The following PTPRD variants were observed in gnomAD, a reference collection of about 807,000 sequenced individuals.
PTPRD encodes protein tyrosine phosphatase receptor type D.
A neutral mutation model predicts 214.5 loss-of-function variants in PTPRD; 34 were observed. The observed-to-expected ratio is 0.16, with a 90% CI of 0.12 to 0.21. The LOEUF (loss-of-function observed/expected upper bound fraction) is 0.21, where lower values mean the gene tolerates loss of function less well. PTPRD is among the 10% of genes least tolerant of loss of function. The probability of loss-of-function intolerance (pLI) is 1.00; values close to 1 mark genes in which losing one functional copy is unlikely to be tolerated. For synonymous variants in PTPRD, 1,128 were observed against 845.7 expected, an observed-to-expected ratio of 1.33 and a Z score of -5.79; for missense variants, 2,545 against 2,398.7, an observed-to-expected ratio of 1.06 and a Z score of -1.27.
chr9:10,489,308 A>T (rs1156261633), intron 2 of PTPRD, among the ~76,000 whole-genome samples: 1 of 152,130 alleles, frequency 6.6e-6, no homozygotes, highest in Non-Finnish European at 1.5e-5. Flanking sequence ...ACCTTATCCT[A>T]CTGCGGCTGA....
intron 7 of PTPRD, among the ~76,000 whole-genome samples, chr9:9,658,131 C>T (rs1421222991): frequency 6.6e-6 from 1 of 151,856 alleles, no homozygotes; most frequent in East Asian, 1.9e-4. Flanking sequence ...AGAGTAATGT[C>T]AGCATTATCT....
intron 4 of PTPRD, among the ~76,000 whole-genome samples, chr9:9,991,359 A>C (rs1384472960): frequency 1.4e-5 from 2 of 145,424 alleles, no homozygotes; most frequent in Non-Finnish European, 3.0e-5. Flanking sequence ...ATCAAAATAT[A>C]CTTTTTTTTT....
Position 8,948,437 on chromosome 9 carries a change from T to TTA in PTPRD, c.-104+70258_-104+70259dup, listed in dbSNP as rs1343672112. Among the ~76,000 whole-genome samples, 3 of 20,110 alleles carry TTA rather than the reference T, an allele frequency of 1.5e-4. 1 individual carries two copies. The highest frequency in any genetic ancestry group is 6.0e-3 in the South Asian group (2 of 332). The allele number at this position is 20,110 out of a possible 152,430, so 13.2% of individuals were successfully genotyped here. On this transcript the variant is annotated intron_variant, in intron 11 of 45. Coordinates refer to ENST00000381196, the MANE Select transcript of PTPRD (RefSeq NM_002839.4). ...TATATATATATATTTATATATATAT[T>TTA]TACATATATATATATTTATATATAT...
chr9:9,281,103 T>G (rs925802416), intron 9 of PTPRD, among the ~76,000 whole-genome samples: 14 of 151,286 alleles, frequency 9.3e-5, no homozygotes, highest in African/African-American at 3.4e-4. Flanking sequence ...CTCCCATAAA[T>G]GGACTCAAAA....
intron 36 of PTPRD, 79 bp from the exon 37 acceptor site, chr9:8,389,486 G>A (rs1454631998): frequency 2.7e-5 from 29 of 1,076,020 alleles, no homozygotes; most frequent in Non-Finnish European, 3.9e-5. Flanking sequence ...TAATGGCAGT[G>A]CTATCTTACT....
In PTPRD at chr9:9,109,542, T is replaced by C. The variant is rs190510941; in HGVS notation, c.-143+73762A>G. Among the ~76,000 whole-genome samples, 9 of 152,230 alleles carry C rather than the reference T, an allele frequency of 5.9e-5. No homozygotes were observed. In the East Asian group the frequency reaches 1.2e-3, roughly 20 times the overall value. The stretch of plus-strand genomic sequence containing the variant: ...GCATTTAGTGGCAAGCATCAACGAA[T>C]AGTGGCCATCAATATAATTGTTAAT... On this transcript the variant is annotated intron_variant, in intron 10 of 45. Transcript: ENST00000381196.
chr9:10,287,378 C>T (rs905545872), intron 3 of PTPRD, among the ~76,000 whole-genome samples: 1 of 152,170 alleles, frequency 6.6e-6, no homozygotes, highest in Non-Finnish European at 1.5e-5. Flanking sequence ...AAAACCTGTA[C>T]ACTCATAGCA....
intron 3 of PTPRD, among the ~76,000 whole-genome samples, chr9:10,296,063 C>T (rs540008127): frequency 1.3e-5 from 2 of 152,176 alleles, no homozygotes; most frequent in East Asian, 1.9e-4. Flanking sequence ...TTTATCACCA[C>T]TAAACATGAA....
intron 5 of PTPRD, among the ~76,000 whole-genome samples, chr9:9,906,194 T>C (rs2077525557): frequency 6.6e-6 from 1 of 151,430 alleles, no homozygotes; most frequent in African/African-American, 2.4e-5. Context: ...AAGAGGAGAA[T>C]CTTTTAAAGT....
chr9:8,948,155 G>A (rs978656641), intron 11 of PTPRD, among the ~76,000 whole-genome samples: 8 of 150,632 alleles, frequency 5.3e-5, no homozygotes, highest in African/African-American at 2.0e-4. Flanking sequence ...GAGTAGCTGG[G>A]ACTACAGGTG....
At chr9:9,469,557 A>T (rs1482957716) in intron 8 of PTPRD, among the ~76,000 whole-genome samples, 1 of 152,198 alleles carries the variant, frequency 6.6e-6, no homozygotes, top group African/African-American at 2.4e-5. Flanking sequence ...TGTGCAATAA[A>T]AAAGACCACA....
At chr9:9,960,577 A>T (rs1050503830) in intron 4 of PTPRD, among the ~76,000 whole-genome samples, 2 of 152,076 alleles carry the variant, frequency 1.3e-5, no homozygotes, top group African/African-American at 4.8e-5. Context: ...TTTTGATGGG[A>T]TGAGATGAAA....
intron 9 of PTPRD, among the ~76,000 whole-genome samples, chr9:9,278,215 G>C (rs889724559): frequency 2.6e-5 from 4 of 151,086 alleles, no homozygotes; most frequent in African/African-American, 9.7e-5. Flanking sequence ...TTGTTTAACC[G>C]GTTATCTCTC....
chr9:9,279,572 C>A (rs1946911219), intron 9 of PTPRD, among the ~76,000 whole-genome samples: 1 of 150,424 alleles, frequency 6.6e-6, no homozygotes, highest in Non-Finnish European at 1.5e-5. Context: ...GTCAGTATTT[C>A]TATTGCAGAC....
intron 8 of PTPRD, among the ~76,000 whole-genome samples, chr9:9,560,604 G>T (rs1218847258): frequency 6.6e-6 from 1 of 152,112 alleles, no homozygotes; most frequent in East Asian, 1.9e-4. Flanking sequence ...CAAGCCTCAG[G>T]GGCTGAAGAC....
chr9:9,393,088 C>G (rs1443854882), intron 9 of PTPRD, among the ~76,000 whole-genome samples: 1 of 152,090 alleles, frequency 6.6e-6, no homozygotes, highest in Non-Finnish European at 1.5e-5. Context: ...CTTTTTTACC[C>G]AATAAATTGT....
chr9:8,523,073 C>T (rs2097921893), intron 19 of PTPRD, among the ~76,000 whole-genome samples: 1 of 152,018 alleles, frequency 6.6e-6, no homozygotes, highest in Non-Finnish European at 1.5e-5. Flanking sequence ...CAAGCAGGAG[C>T]CAGTGTAGAC....
chr9:9,517,096 C>T (rs1310017338), intron 8 of PTPRD, among the ~76,000 whole-genome samples: 1 of 151,944 alleles, frequency 6.6e-6, no homozygotes, highest in East Asian at 1.9e-4. Flanking sequence ...GAGATATTAA[C>T]ACTAATTTTA....
chr9:8,911,243 G>C (rs936253762), intron 11 of PTPRD, among the ~76,000 whole-genome samples: 1 of 152,194 alleles, frequency 6.6e-6, no homozygotes, highest in Non-Finnish European at 1.5e-5. Flanking sequence ...CCTGAGAAGA[G>C]ACATATAGAC....
Sources: allele counts gnomAD v4.1 joint callset (sites outside exome capture counted in the v4.1 genomes callset), GRCh38; gene constraint gnomAD v4.1.1; transcripts MANE v1.5; gene names NCBI Gene and HGNC (gene_info 2026-07-23, HGNC 2026-07-21).